Variants in GABRG3 observed in about 807,000 individuals in gnomAD.
GABRG3 encodes the protein gamma-aminobutyric acid receptor subunit gamma-3.
In GABRG3, 25 loss-of-function variants were observed where a neutral mutation model predicts 48.8. That is an observed-to-expected ratio of 0.51 (90% confidence interval 0.37 to 0.72). The LOEUF (loss-of-function observed/expected upper bound fraction) is 0.72. Among genes scored for constraint, GABRG3 ranks in the 30% least tolerant of loss-of-function variants. The pLI is 0.00. For missense variants in GABRG3, 394 were observed against 577.9 expected (o/e 0.68, Z 3.26); for synonymous variants, 227 against 217.6 (o/e 1.04, Z -0.38).
intron 3 of GABRG3, among the ~76,000 whole-genome samples, chr15:27,185,925 A>G (rs765271756): frequency 1.3e-5 from 2 of 151,520 alleles, no homozygotes; most frequent in African/African-American, 2.4e-5. Context: ...TGAAGATTCT[A>G]TGCTGTTGAA....
At chr15:27,116,846 G>A (rs1450208370) in intron 3 of GABRG3, among the ~76,000 whole-genome samples, 1 of 152,180 alleles carries the variant, frequency 6.6e-6, no homozygotes, top group Admixed American at 6.5e-5. Context: ...CTGTAAGGGT[G>A]CATCAAGAGA....
At chr15:27,063,060 T>TC (rs1236887531) in intron 3 of GABRG3, among the ~76,000 whole-genome samples, 1 of 152,098 alleles carries the variant, frequency 6.6e-6, no homozygotes, top group East Asian at 1.9e-4. Flanking sequence ...TGATGCGTTT[T>TC]CCCCCCCAAT....
chr15:27,502,826 G>T (rs1014745708), intron 6 of GABRG3, among the ~76,000 whole-genome samples: 3 of 152,228 alleles, frequency 2.0e-5, no homozygotes, highest in Non-Finnish European at 2.9e-5. Flanking sequence ...GATACGTAGG[G>T]CGAGGTCTGG....
intron 3 of GABRG3, among the ~76,000 whole-genome samples, chr15:27,125,380 T>G (rs1834052835): frequency 6.6e-6 from 1 of 152,076 alleles, no homozygotes; most frequent in African/African-American, 2.4e-5. Context: ...GGGAGAGGTT[T>G]GTTAATGCGC....
At chr15:27,338,100 T>C (rs1252929242) in intron 5 of GABRG3, among the ~76,000 whole-genome samples, 1 of 152,174 alleles carries the variant, frequency 6.6e-6, no homozygotes, top group Non-Finnish European at 1.5e-5. Context: ...GGGGAGATTC[T>C]GCTATTAATT....
intron 6 of GABRG3, among the ~76,000 whole-genome samples, chr15:27,488,047 C>A (rs2150847943): frequency 6.6e-6 from 1 of 152,286 alleles, no homozygotes; most frequent in South Asian, 2.1e-4. Context: ...CCAGGAGAAA[C>A]CTGCACTGGA....
At chr15:27,426,167 C>T (rs1249149360) in intron 5 of GABRG3, among the ~76,000 whole-genome samples, 1 of 152,140 alleles carries the variant, frequency 6.6e-6, no homozygotes, top group Non-Finnish European at 1.5e-5. Context: ...AGTCTATCAC[C>T]AAGTGCCTCC....
chr15:27,360,668 G>A (rs1391592492), intron 5 of GABRG3, among the ~76,000 whole-genome samples: 1 of 152,128 alleles, frequency 6.6e-6, no homozygotes, highest in African/African-American at 2.4e-5. Flanking sequence ...TCCCCTTCCA[G>A]CCTGCTCCTG....
At chr15:27,386,389 G>T (rs1895921515) in intron 5 of GABRG3, among the ~76,000 whole-genome samples, 1 of 152,050 alleles carries the variant, frequency 6.6e-6, no homozygotes, top group Non-Finnish European at 1.5e-5. Context: ...GCTTAGCAAG[G>T]CTCTCTTTTG....
Position 27,117,906 on chromosome 15 carries a change from A to G in GABRG3, c.270+91085A>G, listed in dbSNP as rs1043489170. Among the ~76,000 whole-genome samples the G allele has an allele frequency of 2.6e-5, 4 of 152,156 alleles. No homozygotes were observed. In the South Asian group the frequency reaches 6.2e-4, roughly 24 times the overall value. On this transcript the variant is annotated intron_variant, in intron 3 of 9. Coordinates refer to ENST00000615808, the MANE Select transcript of GABRG3 (RefSeq NM_033223.5). ...TATTCTGATCTTTGTTTTACAAATA[A>G]GGAAACTTAAGTGTAAAGGGGGTAA...
intron 3 of GABRG3, among the ~76,000 whole-genome samples, chr15:27,027,534 TTTC>T (rs376483641): frequency 1.5e-3 from 228 of 152,316 alleles, no homozygotes; most frequent in African/African-American, 5.3e-3. Context: ...CTGACTTAAA[TTTC>T]TTCTTTTCAT....
chr15:27,527,518 C>T lies in GABRG3; in HGVS notation c.951C>T (p.Asp317=). The change falls in exon 8 of 10, where the codon GAC becomes GAT. Residue 317 remains aspartate, a synonymous_variant. Transcript: ENST00000615808. ...GCGTGTCCTACGTGACCGCCATGGA[C>T]CTTTTTGTGACCGTGTGCTTCCTGT... ...LPRVSYVTAM[D]LFVTVCFLFV... 2 of 1,613,970 alleles carry T rather than the reference C, an allele frequency of 1.2e-6. No individual in the cohort carries two copies. Among genetic ancestry groups the T allele is most frequent in the Non-Finnish European group, 8.5e-7 (1 of 1,179,890 alleles).
intron 5 of GABRG3, among the ~76,000 whole-genome samples, chr15:27,453,563 T>C (rs1009742418): frequency 1.1e-4 from 16 of 152,176 alleles, no homozygotes; most frequent in Non-Finnish European, 1.0e-4. Context: ...CTTCAAAGGA[T>C]TTTAAATGCA....
chr15:27,477,687 T>C (rs900775332), intron 5 of GABRG3, among the ~76,000 whole-genome samples: 20 of 152,124 alleles, frequency 1.3e-4, no homozygotes, highest in African/African-American at 4.8e-4. Context: ...AGGAAATCTC[T>C]GAACTTTCCA....
chr15:27,520,901 T>A (rs146140567), intron 7 of GABRG3, among the ~76,000 whole-genome samples: 33 of 151,910 alleles, frequency 2.2e-4, no homozygotes, highest in Non-Finnish European at 4.3e-4. Flanking sequence ...TTTATTTGTT[T>A]GTTCAAGAAC....
chr15:27,011,230 A>G (rs953480908), intron 2 of GABRG3, among the ~76,000 whole-genome samples: 1 of 152,142 alleles, frequency 6.6e-6, no homozygotes, highest in African/African-American at 2.4e-5. Flanking sequence ...TCAATTCTGC[A>G]ACTCTCTTAG....
At chr15:27,441,270 G>A (rs1002450903) in intron 5 of GABRG3, among the ~76,000 whole-genome samples, 1 of 152,138 alleles carries the variant, frequency 6.6e-6, no homozygotes, top group Non-Finnish European at 1.5e-5. Flanking sequence ...TGTACCTGCT[G>A]TAGGCTTAAA....
intron 2 of GABRG3, among the ~76,000 whole-genome samples, chr15:26,996,716 C>G (rs1017925006): frequency 2.0e-5 from 3 of 152,016 alleles, no homozygotes; most frequent in Non-Finnish European, 2.9e-5. Context: ...GTGGCTCAAT[C>G]TCCGCTCACT....
chr15:27,342,680 G>A (rs1273869433), intron 5 of GABRG3, among the ~76,000 whole-genome samples: 1 of 152,218 alleles, frequency 6.6e-6, no homozygotes, highest in African/African-American at 2.4e-5. Context: ...GACGTTATTC[G>A]AAAACAGCTT....
Sources: allele counts gnomAD v4.1 joint callset (sites outside exome capture counted in the v4.1 genomes callset), GRCh38; gene constraint gnomAD v4.1.1; transcripts MANE v1.5; gene names NCBI Gene and HGNC (gene_info 2026-07-23, HGNC 2026-07-21).